Variants in SAE1 observed in about 807,000 individuals in gnomAD.
SAE1 encodes SUMO1 activating enzyme subunit 1, also known as SUMO-activating enzyme subunit 1.
A neutral mutation model predicts 40.6 loss-of-function variants in SAE1; 11 were observed. That is an observed-to-expected ratio of 0.27 (90% CI 0.17 to 0.45). The LOEUF is 0.45. Among genes scored for constraint, SAE1 ranks in the 20% least tolerant of loss-of-function variants. The probability of loss-of-function intolerance (pLI) is 1.00; values close to 1 mark genes in which losing one functional copy is unlikely to be tolerated. For synonymous variants in SAE1, 155 were observed against 154.3 expected, an observed-to-expected ratio of 1.00 and a Z score of -0.03; for missense variants, 373 against 427.3, an observed-to-expected ratio of 0.87 and a Z score of 1.12.
chr19:47,169,974 C>T, intron 6 of SAE1, 51 bp downstream of exon 6: 2 of 1,376,876 alleles, frequency 1.5e-6, no homozygotes, highest in Non-Finnish European at 2.1e-6. Flanking sequence ...GCTCTGATTT[C>T]TGCAAATGTG....
At position 47,131,697 on chromosome 19, in the gene SAE1, C is replaced by CTTT. The variant is rs554165710; in HGVS notation, c.98+690_98+692dup. Among the ~76,000 whole-genome samples, 430 of 84,136 alleles carry CTTT rather than the reference C, an allele frequency of 5.1e-3. 13 individuals carry two copies. Among genetic ancestry groups the CTTT allele is most frequent in the African/African-American group, 0.011 (236 of 21,496 alleles). The allele number at this position is 84,136 out of a possible 152,430, so 55.2% of individuals were successfully genotyped here. ...GCATTGTGGAGTAGCTTAGGGAATTCTTTTTTTTTTTTTTTTTTTTTTTGA... is the reference window on the plus strand; with the variant it reads ...GCATTGTGGAGTAGCTTAGGGAATTCTTTTTTTTTTTTTTTTTTTTTTTTTTGA... On this transcript the variant is annotated intron_variant, in intron 1 of 8. Coordinates refer to ENST00000270225, the MANE Select transcript of SAE1 (RefSeq NM_005500.3).
chr19:47,158,332 C>T (rs1177203515), intron 5 of SAE1, among the ~76,000 whole-genome samples: 1 of 152,136 alleles, frequency 6.6e-6, no homozygotes, highest in East Asian at 1.9e-4. Context: ...TAAATAAGGG[C>T]TTAGGAAAAT....
chr19:47,174,790 G>GTC (rs1478634902), intron 6 of SAE1, among the ~76,000 whole-genome samples: 11 of 151,560 alleles, frequency 7.3e-5, no homozygotes, highest in Non-Finnish European at 1.5e-4. Flanking sequence ...AGCCAGGATG[G>GTC]TCTCGATGTT....
chr19:47,152,841 G>C, intron 3 of SAE1, 57 bp from the exon 4 acceptor site: 1 of 1,540,232 alleles, frequency 6.5e-7, no homozygotes, highest in East Asian at 2.3e-5. Context: ...TTAGACATCA[G>C]GGCAGTGATT....
intron 7 of SAE1, among the ~76,000 whole-genome samples, chr19:47,201,711 G>A (rs1451982259): frequency 6.6e-6 from 1 of 151,904 alleles, no homozygotes; most frequent in African/African-American, 2.4e-5. Flanking sequence ...TCGGCTCACT[G>A]CAACCTCCAC....
At chr19:47,180,916 G>A (rs1203263120) in intron 6 of SAE1, among the ~76,000 whole-genome samples, 1 of 152,184 alleles carries the variant, frequency 6.6e-6, no homozygotes, top group East Asian at 1.9e-4. Context: ...ACAATCTAGG[G>A]ATGGACAGTT....
chr19:47,175,269 T>C (rs2058462432), intron 6 of SAE1, among the ~76,000 whole-genome samples: 1 of 152,084 alleles, frequency 6.6e-6, no homozygotes, highest in Non-Finnish European at 1.5e-5. Flanking sequence ...TGATATATTT[T>C]CTCACAGTCT....
chr19:47,158,254 A>G (rs2058335915), intron 5 of SAE1, among the ~76,000 whole-genome samples: 1 of 152,140 alleles, frequency 6.6e-6, no homozygotes, highest in South Asian at 2.1e-4. Context: ...ACAAAAAGGA[A>G]AAACAGCCTG....
chr19:47,180,963 G>A (rs1486543963), intron 6 of SAE1, among the ~76,000 whole-genome samples: 1 of 152,168 alleles, frequency 6.6e-6, no homozygotes, highest in African/African-American at 2.4e-5. Context: ...ACCCTGGGTT[G>A]GATCTGAGAA....
At chr19:47,179,266 G>A (rs1460314945) in intron 6 of SAE1, among the ~76,000 whole-genome samples, 2 of 151,916 alleles carry the variant, frequency 1.3e-5, no homozygotes, top group Non-Finnish European at 1.5e-5. Flanking sequence ...AGCACTTTGG[G>A]AGGCTGAAGC....
At chr19:47,147,822 G>C (rs4804028) in intron 2 of SAE1, among the ~76,000 whole-genome samples, 24,308 of 150,016 alleles carry the variant, frequency 0.16, 2,269 homozygotes, top group East Asian at 0.36. Context: ...GCAGTGGCGC[G>C]ATCTTGGCTC....
intron 8 of SAE1, among the ~76,000 whole-genome samples, chr19:47,204,187 CTTTTTTTTTT>C (rs57736880): frequency 2.4e-5 from 2 of 82,098 alleles, no homozygotes; most frequent in African/African-American, 5.8e-5. Context: ...AAAGCCCTCC[CTTTTTTTTTT>C]TTTTTTTTTT....
intron 5 of SAE1, among the ~76,000 whole-genome samples, chr19:47,157,911 G>A (rs1244892467): frequency 6.6e-6 from 1 of 152,162 alleles, no homozygotes; most frequent in African/African-American, 2.4e-5. Flanking sequence ...GACTGGGCTG[G>A]ACTGGGTTTT....
intron 7 of SAE1, among the ~76,000 whole-genome samples, chr19:47,199,124 C>T (rs1322545267): frequency 2.0e-5 from 3 of 151,624 alleles, no homozygotes; most frequent in Non-Finnish European, 4.4e-5. Context: ...CGGTGGCTCA[C>T]GCCTGTAATC....
At chr19:47,198,029 C>T (rs1045871307) in intron 7 of SAE1, among the ~76,000 whole-genome samples, 1 of 152,200 alleles carries the variant, frequency 6.6e-6, no homozygotes, top group East Asian at 1.9e-4. Flanking sequence ...TTTCACCTTA[C>T]GTGACTACCT....
At chr19:47,185,884 G>A (rs1291767010) in intron 6 of SAE1, among the ~76,000 whole-genome samples, 2 of 151,082 alleles carry the variant, frequency 1.3e-5, no homozygotes, top group Non-Finnish European at 3.0e-5. Flanking sequence ...TTACAGGCAT[G>A]AGCCACCGCA....
chr19:47,201,037 T>A (rs909840136), intron 7 of SAE1, among the ~76,000 whole-genome samples: 1 of 151,352 alleles, frequency 6.6e-6, no homozygotes, highest in African/African-American at 2.4e-5. Flanking sequence ...TTTTTTATTT[T>A]TTTATTTTTT....
Position 47,143,810 on chromosome 19 carries a change from C to T in SAE1, c.210+205C>T, listed in dbSNP as rs181279493. On this transcript the variant is annotated intron_variant, in intron 2 of 8. Transcript: ENST00000270225. Reference sequence around the variant, plus strand: ...CATCTAGCTGGATGAGCAGTAGAGACTCACACCCCCTCATTGAGCTTGCCT... The same window carrying T: ...CATCTAGCTGGATGAGCAGTAGAGATTCACACCCCCTCATTGAGCTTGCCT... Among the ~76,000 whole-genome samples the T allele has an allele frequency of 2.6e-5, 4 of 152,278 alleles. No individual in the cohort carries two copies. In the East Asian group the frequency reaches 7.7e-4, roughly 29 times the overall value.
chr19:47,197,269 C>T lies in SAE1; in HGVS notation c.770C>T (p.Pro257Leu). The T allele has an allele frequency of 2.5e-6, 4 of 1,613,872 alleles. No individual in the cohort carries two copies. Among genetic ancestry groups the T allele is most frequent in the Non-Finnish European group, 3.4e-6 (4 of 1,179,920 alleles). ...LKFRTDKGRD[P>L]SSDTYEEDSE... ...TTCCGTACAGATAAAGGAAGAGATC[C>T]CAGTTCTGATACATATGAGGAAGAT... Residue 257 changes from proline to leucine, a missense_variant, in exon 7 of 9, where the codon CCC becomes CTC. Pro to Leu is a moderately conservative substitution (Grantham distance 98). Around this residue, in one of 3 missense-constraint regions of SAE1, gnomAD observed 351 missense variants for 390.6 expected, o/e 0.90. Coordinates refer to ENST00000270225, the MANE Select transcript of SAE1 (RefSeq NM_005500.3).
Sources: allele counts gnomAD v4.1 joint callset (sites outside exome capture counted in the v4.1 genomes callset), GRCh38; gene constraint gnomAD v4.1.1; regional missense constraint gnomAD v4.1.1; transcripts MANE v1.5; gene names NCBI Gene and HGNC (gene_info 2026-07-23, HGNC 2026-07-21).